The following SEMA4B variants were observed in gnomAD, a reference collection of about 807,000 sequenced individuals.
The protein encoded by SEMA4B is semaphorin-4B.
SEMA4B carries 55 observed loss-of-function variants against 88.1 expected under a neutral mutation model. That is an observed-to-expected ratio of 0.62 (90% CI 0.50 to 0.78). SEMA4B has a LOEUF of 0.78. Ranked by LOEUF, SEMA4B falls within the 30% of genes least tolerant of loss-of-function variation. The probability of loss-of-function intolerance (pLI) is 0.00; values close to 1 mark genes in which losing one functional copy is unlikely to be tolerated. For synonymous variants in SEMA4B, 525 were observed against 473.6 expected, an observed-to-expected ratio of 1.11 and a Z score of -1.41; for missense variants, 1,062 against 1,111.9, an observed-to-expected ratio of 0.96 and a Z score of 0.64.
intron 4 of SEMA4B, among the ~76,000 whole-genome samples, chr15:90,220,664 C>A (rs551893204): frequency 8.5e-5 from 13 of 152,064 alleles, no homozygotes; most frequent in African/African-American, 3.1e-4. Context: ...CCACCGCGCC[C>A]GGCCAGGCTC....
intron 1 of SEMA4B, among the ~76,000 whole-genome samples, chr15:90,202,812 A>G (rs543230979): frequency 2.6e-5 from 4 of 152,308 alleles, no homozygotes; most frequent in African/African-American, 7.2e-5. Context: ...ACTGTCCCAG[A>G]CTTCCATCTC....
intron 1 of SEMA4B, among the ~76,000 whole-genome samples, chr15:90,211,260 G>A (rs576291031): frequency 6.6e-6 from 1 of 152,210 alleles, no homozygotes; most frequent in Non-Finnish European, 1.5e-5. Flanking sequence ...CCTAGGTCGG[G>A]ACTGGGACTG....
At chr15:90,187,590 G>T (rs887855767) in intron 1 of SEMA4B, among the ~76,000 whole-genome samples, 1 of 152,216 alleles carries the variant, frequency 6.6e-6, no homozygotes, top group African/African-American at 2.4e-5. Context: ...ACTCGCAGGA[G>T]CAACTCTGGA....
Position 90,229,488 on chromosome 15 carries a change from C to A in SEMA4B, c.*845C>A. ...ACTCAAACACGAGGAACTAACTGCACCCTGGTCCTCTCCCCAGTCCCCAGT... is the reference window on the plus strand; with the variant it reads ...ACTCAAACACGAGGAACTAACTGCAACCTGGTCCTCTCCCCAGTCCCCAGT... On this transcript the variant is annotated 3_prime_UTR_variant, in exon 14 of 14. Coordinates refer to ENST00000411539, the MANE Select transcript of SEMA4B (RefSeq NM_198925.4). The A allele has an allele frequency of 2.3e-6, 1 of 433,886 alleles. No individual in the cohort carries two copies. Among genetic ancestry groups the A allele is most frequent in the Non-Finnish European group, 4.7e-6 (1 of 214,738 alleles). The allele number at this position is 433,886 out of a possible 1,614,324, so 26.9% of individuals were successfully genotyped here. A position where few individuals can be genotyped will look rare whatever the true frequency, so the allele number is the denominator to read the frequency against.
At chr15:90,205,070 C>T (rs1401775096) in intron 1 of SEMA4B, among the ~76,000 whole-genome samples, 19 of 152,210 alleles carry the variant, frequency 1.2e-4, no homozygotes, top group South Asian at 4.1e-4. Context: ...CCACCACATC[C>T]GGCCTTAAAG....
intron 1 of SEMA4B, among the ~76,000 whole-genome samples, chr15:90,206,066 A>G (rs1336371815): frequency 6.6e-6 from 1 of 152,216 alleles, no homozygotes; most frequent in Non-Finnish European, 1.5e-5. Flanking sequence ...CTTTTGGGGC[A>G]TATCTGGATA....
chr15:90,229,574 G>T lies in SEMA4B; in HGVS notation c.*931G>T. The T allele has an allele frequency of 3.0e-6, 1 of 336,580 alleles. No individual in the cohort carries two copies. The highest frequency in any genetic ancestry group is 2.2e-5 in the South Asian group (1 of 45,698). 20.8% of individuals were successfully genotyped at this position (336,580 alleles called of 1,614,324 possible). On this transcript the variant is annotated 3_prime_UTR_variant, in exon 14 of 14. Transcript: ENST00000411539. ...GATATCAACACTGCCCAGCACAGGGGCCCTGAATTTATGTGGTTTTTATAC... is the reference window on the plus strand; with the variant it reads ...GATATCAACACTGCCCAGCACAGGGTCCCTGAATTTATGTGGTTTTTATAC...
In SEMA4B at chr15:90,212,783, G is replaced by A. The variant is rs1567052675; in HGVS notation, c.158-4656G>A. Among the ~76,000 whole-genome samples the A allele has an allele frequency of 6.6e-6, 1 of 152,162 alleles. No homozygotes were observed. Among genetic ancestry groups the A allele is most frequent in the Non-Finnish European group, 1.5e-5 (1 of 68,030 alleles). On this transcript the variant is annotated intron_variant, in intron 1 of 13. Coordinates refer to ENST00000411539, the MANE Select transcript of SEMA4B (RefSeq NM_198925.4). This position sits in a 1 kb window ranked among gnomAD's most constrained non-coding sequence, Gnocchi z 4.0. ...TCACACCGAGCACAGACCAGCTCGCGCCCACAACACGAGCCTGTGACACGC... is the reference window on the plus strand; with the variant it reads ...TCACACCGAGCACAGACCAGCTCGCACCCACAACACGAGCCTGTGACACGC...
rs1274513650 is a variant in SEMA4B, at chr15:90,219,884, C to T, written c.476C>T (p.Thr159Ile). 6.2e-7 allele frequency: 1 copy of T among 1,611,570 alleles called. No homozygotes were observed. The highest frequency in any genetic ancestry group is 8.5e-7 in the Non-Finnish European group (1 of 1,178,788). Reference sequence around the variant, plus strand: ...ACAGCAGCCTTCAGCCCCATGTGTACCTACATCGTGAGTGACCTGTCCTCA... The same window carrying T: ...ACAGCAGCCTTCAGCCCCATGTGTATCTACATCGTGAGTGACCTGTCCTCA... The part of the protein sequence containing the change: ...CGTAAFSPMC[T>I]YINMENFTLA... The change falls in exon 4 of 14, where the codon ACC (threonine) becomes ATC (isoleucine). Residue 159 changes from threonine to isoleucine, a missense_variant. By Grantham distance (89) the Thr-to-Ile change is moderately conservative (BLOSUM62 -1). Transcript: ENST00000411539.
chr15:90,185,924 A>ATTTTTTTTTTTTTTTTTTT (rs398028319), intron 1 of SEMA4B, among the ~76,000 whole-genome samples: 3 of 55,456 alleles, frequency 5.4e-5, no homozygotes, highest in African/African-American at 2.3e-4. Flanking sequence ...TCTTTTGGTG[A>ATTTTTTTTTTTTTTTTTTT]TTTTTTTTTT....
chr15:90,215,445 T>C (rs995425953), intron 1 of SEMA4B, among the ~76,000 whole-genome samples: 8 of 152,226 alleles, frequency 5.3e-5, no homozygotes, highest in African/African-American at 1.9e-4. Context: ...AAATATAACC[T>C]GAATTTTCAC....
At chr15:90,188,499 A>G (rs561838988) in intron 1 of SEMA4B, among the ~76,000 whole-genome samples, 7 of 151,888 alleles carry the variant, frequency 4.6e-5, no homozygotes, top group South Asian at 4.2e-4. Flanking sequence ...ATGGTGGCGC[A>G]TGCCTGTAAT....
intron 1 of SEMA4B, among the ~76,000 whole-genome samples, chr15:90,211,089 G>A (rs1961243185): frequency 6.6e-6 from 1 of 152,222 alleles, no homozygotes; most frequent in Non-Finnish European, 1.5e-5. Flanking sequence ...ATAAAAGCAG[G>A]AAGGCAGACC....
At chr15:90,220,749 A>AGTGTGGCACTGTGTGGCC (rs1961784227) in intron 4 of SEMA4B, among the ~76,000 whole-genome samples, 2 of 152,252 alleles carry the variant, frequency 1.3e-5, no homozygotes, top group South Asian at 4.2e-4. Flanking sequence ...ACTGTGAGGC[A>AGTGTGGCACTGTGTGGCC]GTGTGGCACT....
At chr15:90,187,057 C>T (rs774333155) in intron 1 of SEMA4B, among the ~76,000 whole-genome samples, 2 of 152,168 alleles carry the variant, frequency 1.3e-5, no homozygotes, top group African/African-American at 4.8e-5. Context: ...TGAGTCTCCC[C>T]GCTGCATGGG....
intron 4 of SEMA4B, 54 bp downstream of exon 4, chr15:90,219,945 G>GC (rs762715716): frequency 7.3e-7 from 1 of 1,363,966 alleles, no homozygotes; most frequent in Non-Finnish European, 1.0e-6. Context: ...CCCTCTTTCT[G>GC]CCCCAGGGAT....
intron 1 of SEMA4B, among the ~76,000 whole-genome samples, chr15:90,193,730 G>A (rs1364766718): frequency 6.6e-6 from 1 of 152,144 alleles, no homozygotes; most frequent in African/African-American, 2.4e-5. Flanking sequence ...GATTGAGCAT[G>A]TGGCCAACAT....
chr15:90,203,840 G>A (rs1017031663), intron 1 of SEMA4B, among the ~76,000 whole-genome samples: 2 of 152,166 alleles, frequency 1.3e-5, no homozygotes, highest in Non-Finnish European at 2.9e-5. Flanking sequence ...TGCCCGGAGT[G>A]GCCCATTTTT....
At chr15:90,220,544 T>C (rs1961769353) in intron 4 of SEMA4B, among the ~76,000 whole-genome samples, 1 of 151,654 alleles carries the variant, frequency 6.6e-6, no homozygotes, top group Non-Finnish European at 1.5e-5. Context: ...ATTTTTTCTA[T>C]TTTTCGGTAG....
Sources: gnomAD v4.1 joint callset for allele counts (sites outside exome capture counted in the v4.1 genomes callset) on GRCh38, gnomAD v4.1.1 for gene constraint, Gnocchi (gnomAD v3.1) non-coding constraint, MANE v1.5 for transcripts, NCBI Gene and HGNC (gene_info 2026-07-23, HGNC 2026-07-21) for gene names.